CDYL: variants seen among roughly 807,000 people sequenced by gnomAD.
The protein encoded by CDYL is chromodomain Y-like protein.
Under a neutral mutation model 47.3 loss-of-function variants are expected in CDYL, and 8 were observed. That is an observed-to-expected ratio of 0.17 (90% CI 0.10 to 0.31). The LOEUF is 0.31. Among genes scored for constraint, CDYL ranks in the 10% least tolerant of loss-of-function variants. CDYL has a pLI of 1.00. For synonymous variants in CDYL, 266 were observed against 265.0 expected, an observed-to-expected ratio of 1.00 and a Z score of -0.04; for missense variants, 471 against 701.4, an observed-to-expected ratio of 0.67 and a Z score of 3.71.
At chr6:4,904,921 T>C (rs537208642) in intron 2 of CDYL, among the ~76,000 whole-genome samples, 3 of 152,126 alleles carry the variant, frequency 2.0e-5, no homozygotes, top group Admixed American at 6.5e-5. Flanking sequence ...ACAGAGTCCA[T>C]GCACTGAAAT....
At chr6:4,840,359 G>T (rs112497824) in intron 1 of CDYL, among the ~76,000 whole-genome samples, 5,490 of 152,052 alleles carry the variant, frequency 0.036, 328 homozygotes, top group African/African-American at 0.13. Flanking sequence ...AAACGGTGAC[G>T]GTTTGACTTC....
At chr6:4,726,480 C>G (rs1199343054) in intron 2 of CDYL, among the ~76,000 whole-genome samples, 1 of 146,924 alleles carries the variant, frequency 6.8e-6, no homozygotes, top group Non-Finnish European at 1.5e-5. Context: ...TGCAGTAAGC[C>G]AAGATCGCAC....
intron 1 of CDYL, among the ~76,000 whole-genome samples, chr6:4,820,799 C>T (rs182774293): frequency 4.5e-4 from 69 of 152,290 alleles, no homozygotes; most frequent in Middle Eastern, 3.4e-3. Context: ...TCCTGCAAAA[C>T]GCCTGTGAAA....
In CDYL at chr6:4,743,966, G is replaced by A. The variant is rs376403793; in HGVS notation, c.186+9122G>A. Among the ~76,000 whole-genome samples, 5 of 152,294 alleles carry A rather than the reference G, an allele frequency of 3.3e-5. No homozygotes were observed. In the East Asian group the frequency reaches 5.8e-4, roughly 18 times the overall value. Reference sequence around the variant, plus strand: ...AACAGCTCCTTTTCCTATGTAGCTTGTGAGACTTTTCTCAAGTTGGAACAG... The same window carrying A: ...AACAGCTCCTTTTCCTATGTAGCTTATGAGACTTTTCTCAAGTTGGAACAG... On this transcript the variant is annotated intron_variant, in intron 3 of 8. Coordinates refer to the CDYL transcript ENST00000328908.
At chr6:4,879,431 T>C (rs1761703471) in intron 1 of CDYL, among the ~76,000 whole-genome samples, 1 of 152,196 alleles carries the variant, frequency 6.6e-6, no homozygotes, top group Admixed American at 6.5e-5. Flanking sequence ...ATTTATGTCT[T>C]GTAATGCTTT....
chr6:4,815,741 G>A (rs911179548), intron 1 of CDYL, among the ~76,000 whole-genome samples: 6 of 130,186 alleles, frequency 4.6e-5, no homozygotes, highest in Non-Finnish European at 7.8e-5. Flanking sequence ...AATGTTCTTC[G>A]ATCAGGCAGT....
At chr6:4,769,554 G>A (rs1030547783) in intron 3 of CDYL, among the ~76,000 whole-genome samples, 3 of 152,090 alleles carry the variant, frequency 2.0e-5, no homozygotes, top group East Asian at 1.9e-4. Flanking sequence ...AAGCAATTGC[G>A]TAAAAGTCAA....
intron 1 of CDYL, among the ~76,000 whole-genome samples, chr6:4,806,163 A>G (rs1415635542): frequency 6.6e-6 from 1 of 152,198 alleles, no homozygotes; most frequent in Admixed American, 6.5e-5. Flanking sequence ...GGGGCCCTGC[A>G]TGCCGACCCA....
chr6:4,755,644 A>G (rs1029079763), intron 3 of CDYL, among the ~76,000 whole-genome samples: 16 of 152,230 alleles, frequency 1.1e-4, no homozygotes, highest in African/African-American at 3.9e-4. Context: ...AGACTTAGCA[A>G]TAACAAGAAA....
At chr6:4,751,170 A>C (rs767473658) in intron 3 of CDYL, among the ~76,000 whole-genome samples, 8 of 152,254 alleles carry the variant, frequency 5.3e-5, no homozygotes, top group Admixed American at 3.3e-4. Context: ...ACTCTTTTTA[A>C]TGGTTTAATG....
intron 2 of CDYL, among the ~76,000 whole-genome samples, chr6:4,927,868 C>T (rs75773942): frequency 1.6e-3 from 236 of 152,134 alleles, no homozygotes; most frequent in East Asian, 0.011. Flanking sequence ...AGCTCTTCTC[C>T]GTCTAGAAAC....
intron 2 of CDYL, among the ~76,000 whole-genome samples, chr6:4,925,055 G>A (rs1312797212): frequency 6.6e-6 from 1 of 152,220 alleles, no homozygotes; most frequent in Non-Finnish European, 1.5e-5. Flanking sequence ...ACTGCAATCT[G>A]AAACCATGCA....
chr6:4,789,309 C>G (rs1457721538), intron 1 of CDYL, among the ~76,000 whole-genome samples: 2 of 152,176 alleles, frequency 1.3e-5, no homozygotes, highest in African/African-American at 4.8e-5. Flanking sequence ...CTCCTGGGCT[C>G]AAGCAATCTG....
intron 3 of CDYL, among the ~76,000 whole-genome samples, chr6:4,758,489 ATCTCTAC>A (rs1163177396): frequency 1.3e-5 from 2 of 151,772 alleles, no homozygotes; most frequent in African/African-American, 2.4e-5. Context: ...GACAAAACCC[ATCTCTAC>A]TAAAAATACA....
At chr6:4,810,632 A>G (rs1277919919) in intron 1 of CDYL, among the ~76,000 whole-genome samples, 1 of 152,200 alleles carries the variant, frequency 6.6e-6, no homozygotes, top group Non-Finnish European at 1.5e-5. Context: ...AAAATACTAT[A>G]AACTGGGAGG....
intron 2 of CDYL, among the ~76,000 whole-genome samples, chr6:4,896,667 A>T (rs2127490405): frequency 6.6e-6 from 1 of 152,340 alleles, no homozygotes; most frequent in Admixed American, 6.5e-5. Context: ...AAGCTCTGTT[A>T]GGCTGTTGGT....
intron 2 of CDYL, among the ~76,000 whole-genome samples, chr6:4,907,448 C>T (rs963915108): frequency 6.6e-6 from 1 of 152,174 alleles, no homozygotes; most frequent in African/African-American, 2.4e-5. Flanking sequence ...GCCGTCTCCC[C>T]CTCCCAGGCT....
At chr6:4,838,861 ATTT>A (rs1760403346) in intron 1 of CDYL, among the ~76,000 whole-genome samples, 1 of 151,842 alleles carries the variant, frequency 6.6e-6, no homozygotes, top group Non-Finnish European at 1.5e-5. Context: ...TAATTTTTGT[ATTT>A]TTAGTAGAGA....
intron 2 of CDYL, among the ~76,000 whole-genome samples, chr6:4,931,023 G>C (rs927831584): frequency 2.0e-5 from 3 of 152,116 alleles, no homozygotes; most frequent in Non-Finnish European, 4.4e-5. Flanking sequence ...AGCTACTTCT[G>C]CTCTGAAGTG....
Sources: allele counts gnomAD v4.1 joint callset (sites outside exome capture counted in the v4.1 genomes callset), GRCh38; gene constraint gnomAD v4.1.1; transcripts MANE v1.5; gene names NCBI Gene and HGNC (gene_info 2026-07-23, HGNC 2026-07-21).